Variants in IBTK observed in about 807,000 individuals in gnomAD.
IBTK encodes BTK-binding protein.
Under a neutral mutation model 154.9 loss-of-function variants are expected in IBTK, and 83 were observed. That is an observed-to-expected ratio of 0.54 (90% CI 0.45 to 0.64). The LOEUF (loss-of-function observed/expected upper bound fraction) is 0.64. IBTK is among the 30% of genes least tolerant of loss of function. IBTK has a pLI of 0.00. For missense variants in IBTK, 1,332 were observed against 1,584.6 expected, an observed-to-expected ratio of 0.84 and a Z score of 2.71; for synonymous variants, 515 against 536.1, an observed-to-expected ratio of 0.96 and a Z score of 0.54.
intron 12 of IBTK, 122 bp from the exon 13 acceptor site, chr6:82,212,915 C>T (rs1056199269): frequency 8.3e-5 from 51 of 616,122 alleles, no homozygotes; most frequent in Non-Finnish European, 1.2e-4. Context: ...AGTATCTCAA[C>T]AAACTCCTAC....
At chr6:82,198,239 G>GAA (rs1170948706) in intron 21 of IBTK, among the ~76,000 whole-genome samples, 1 of 152,032 alleles carries the variant, frequency 6.6e-6, no homozygotes, top group Non-Finnish European at 1.5e-5. Context: ...TAGGTGACTG[G>GAA]AAAGTCATTA....
chr6:82,201,430 G>T lies in IBTK; in HGVS notation c.2782C>A (p.Arg928=). ...GVLKDLSEFY[R]KMIPAMDRRV... is the part of the protein sequence containing the mutation. ...TAAAACATAAACCTTACCATTTTCC[G>T]GTAAAACTCAGAAAGATCCTTCAAA... The change falls in exon 19 of 29, where the codon CGG becomes AGG. Residue 928 remains arginine (R), a synonymous_variant. Coordinates refer to ENST00000306270, the MANE Select transcript of IBTK (RefSeq NM_015525.4). The T allele has an allele frequency of 6.2e-7, 1 of 1,606,960 alleles. No homozygotes were observed. The highest frequency in any genetic ancestry group is 1.1e-5 in the South Asian group (1 of 90,148).
chr6:82,240,070 G>T, intron 2 of IBTK, 96 bp downstream of exon 2: 1 of 990,062 alleles, frequency 1.0e-6, no homozygotes. Flanking sequence ...AAGAAAAAAT[G>T]CAAATATTTT....
chr6:82,216,406 A>T (rs1769876509), intron 10 of IBTK, among the ~76,000 whole-genome samples, 156 bp from the exon 11 acceptor site: 1 of 152,192 alleles, frequency 6.6e-6, no homozygotes, highest in African/African-American at 2.4e-5. Context: ...TCTTCAACAC[A>T]TTTTCCACTG....
chr6:82,240,960 G>A, intron 1 of IBTK, 117 bp from the exon 2 acceptor site: 1 of 395,922 alleles, frequency 2.5e-6, no homozygotes, highest in Non-Finnish European at 4.4e-6. Context: ...TATGCTTAGT[G>A]TTCCATTACT....
chr6:82,231,342 C>A (rs1424157188), intron 4 of IBTK, among the ~76,000 whole-genome samples: 1 of 151,034 alleles, frequency 6.6e-6, no homozygotes, highest in African/African-American at 2.4e-5. Flanking sequence ...GTTCACTTAT[C>A]AAAAATAACA....
chr6:82,220,549 A>G (rs1422477743), intron 9 of IBTK, 41 bp downstream of exon 9: 2 of 1,559,290 alleles, frequency 1.3e-6, no homozygotes, highest in Middle Eastern at 1.7e-4. Context: ...ACAGCTATCA[A>G]CTGAGAGTAA....
At chr6:82,221,359 T>C (rs897967979) in intron 8 of IBTK, among the ~76,000 whole-genome samples, 3 of 152,152 alleles carry the variant, frequency 2.0e-5, no homozygotes, top group Non-Finnish European at 4.4e-5. Flanking sequence ...ATAACTGGTA[T>C]GGCTATAAGC....
intron 1 of IBTK, among the ~76,000 whole-genome samples, chr6:82,246,444 T>C (rs1256115037): frequency 3.5e-5 from 5 of 141,576 alleles, no homozygotes; most frequent in African/African-American, 5.3e-5. Flanking sequence ...CAGGCATCTT[T>C]TTTTTTTTTT....
intron 9 of IBTK, among the ~76,000 whole-genome samples, chr6:82,219,820 T>C (rs1204200551): frequency 1.3e-5 from 2 of 152,134 alleles, no homozygotes; most frequent in African/African-American, 4.8e-5. Flanking sequence ...AATGTATACA[T>C]ATATTATAAT....
chr6:82,234,274 CAAAT>C lies in IBTK; in HGVS notation c.322-23_322-20del, dbSNP rs1562106366. On this transcript the variant is annotated intron_variant, in intron 2 of 28. Coordinates refer to ENST00000306270, the MANE Select transcript of IBTK (RefSeq NM_015525.4). The stretch of plus-strand genomic sequence containing the variant: ...CACCATGCTAAAACAAACAAACAAA[CAAAT>C]ACATAAATATATATATATTATTAAT... 3.9e-6 allele frequency: 4 copies of C among 1,028,976 alleles called. No homozygotes were observed. Among genetic ancestry groups the C allele is most frequent in the Admixed American group, 2.3e-5 (1 of 42,716 alleles). The allele number at this position is 1,028,976 out of a possible 1,614,324, so 63.7% of individuals were successfully genotyped here.
intron 26 of IBTK, among the ~76,000 whole-genome samples, chr6:82,176,288 C>G (rs1768111003): frequency 6.6e-6 from 1 of 151,654 alleles, no homozygotes; most frequent in Non-Finnish European, 1.5e-5. Flanking sequence ...CTTTGGGAGG[C>G]TGTGGGCAGA....
chr6:82,203,592 T>C (rs1315446524), intron 17 of IBTK, among the ~76,000 whole-genome samples: 3 of 152,128 alleles, frequency 2.0e-5, no homozygotes, highest in East Asian at 1.9e-4. Flanking sequence ...GTTGTTCACA[T>C]GGGAACAAGT....
intron 17 of IBTK, among the ~76,000 whole-genome samples, chr6:82,204,236 T>A (rs1002593687): frequency 6.6e-6 from 1 of 152,034 alleles, no homozygotes; most frequent in South Asian, 2.1e-4. Flanking sequence ...ATAGTAACAG[T>A]GAGAACCCAA....
intron 2 of IBTK, among the ~76,000 whole-genome samples, chr6:82,237,738 G>T (rs1342711831): frequency 6.6e-6 from 1 of 150,640 alleles, no homozygotes; most frequent in Non-Finnish European, 1.5e-5. Flanking sequence ...CTCCACAAAA[G>T]AATATTTTAC....
intron 3 of IBTK, 50 bp downstream of exon 3, chr6:82,234,109 G>A: frequency 1.1e-6 from 1 of 881,422 alleles, no homozygotes; most frequent in South Asian, 1.5e-5. Flanking sequence ...AAATTGCTGG[G>A]ATTACAGGTG....
intron 5 of IBTK, 107 bp downstream of exon 5, chr6:82,227,085 G>T: frequency 3.2e-6 from 2 of 626,110 alleles, no homozygotes; most frequent in African/African-American, 1.9e-5. Flanking sequence ...ATCAATTGAT[G>T]TATTATTTCG....
intron 12 of IBTK, 117 bp from the exon 13 acceptor site, chr6:82,212,910 C>G (rs939114090): frequency 9.7e-6 from 6 of 620,850 alleles, no homozygotes; most frequent in Admixed American, 2.9e-5. Flanking sequence ...AGAAAAGTAT[C>G]TCAACAAACT....
intron 9 of IBTK, among the ~76,000 whole-genome samples, chr6:82,220,057 A>G (rs1214537136): frequency 6.6e-6 from 1 of 152,058 alleles, no homozygotes; most frequent in East Asian, 1.9e-4. Context: ...TAAAAATACA[A>G]AAATAAGCCA....
Sources: gnomAD v4.1 joint callset for allele counts (sites outside exome capture counted in the v4.1 genomes callset) on GRCh38, gnomAD v4.1.1 for gene constraint, MANE v1.5 for transcripts, NCBI Gene and HGNC (gene_info 2026-07-23, HGNC 2026-07-21) for gene names.